ZNF521: variants seen among roughly 807,000 people sequenced by gnomAD.
ZNF521 encodes the protein zinc finger protein 521, also known as LYST-interacting protein 3.
A neutral mutation model predicts 105.5 loss-of-function variants in ZNF521; 14 were observed. The ratio of observed to expected loss-of-function variants is 0.13; its 90% CI spans 0.09 to 0.21. ZNF521 has a LOEUF of 0.21. Among genes scored for constraint, ZNF521 ranks in the 10% least tolerant of loss-of-function variants. The pLI is 1.00. For missense variants in ZNF521, 1,233 were observed against 1,629.7 expected, an observed-to-expected ratio of 0.76 and a Z score of 4.19; for synonymous variants, 635 against 606.0, an observed-to-expected ratio of 1.05 and a Z score of -0.70.
intron 4 of ZNF521, among the ~76,000 whole-genome samples, chr18:25,205,718 T>C (rs1456713499): frequency 1.3e-5 from 2 of 152,186 alleles, no homozygotes; most frequent in African/African-American, 4.8e-5. Context: ...TTAGGGAGAA[T>C]AAAGTATTTT....
chr18:25,335,383 C>T (rs1237033806), intron 2 of ZNF521, among the ~76,000 whole-genome samples: 1 of 152,142 alleles, frequency 6.6e-6, no homozygotes, highest in Non-Finnish European at 1.5e-5. Context: ...CTGCTCTAAA[C>T]TCTCATGATC....
intron 6 of ZNF521, 140 bp downstream of exon 6, chr18:25,091,810 C>T (rs2033753096): frequency 9.5e-7 from 1 of 1,049,434 alleles, no homozygotes; most frequent in Admixed American, 3.1e-5. Context: ...GCTAATAAAG[C>T]AGAAATCAAA....
chr18:25,138,461 G>T (rs1044917219), intron 5 of ZNF521, among the ~76,000 whole-genome samples: 5 of 139,502 alleles, frequency 3.6e-5, no homozygotes, highest in African/African-American at 1.3e-4. Context: ...TGAAACCAGG[G>T]AAATTAACCA....
chr18:25,152,929 G>A (rs1336417899), intron 5 of ZNF521, among the ~76,000 whole-genome samples: 1 of 152,124 alleles, frequency 6.6e-6, no homozygotes, highest in East Asian at 1.9e-4. Context: ...TGGCCACGAT[G>A]GGATGGAAGT....
rs892796197 is a variant in ZNF521 at position 25,224,242 on chromosome 18, C to G, written c.3573+103G>C. The G allele has an allele frequency of 2.5e-5, 27 of 1,097,036 alleles. No individual in the cohort carries two copies. In the South Asian group the frequency reaches 3.9e-4, roughly 16 times the overall value. The allele number at this position is 1,097,036 out of a possible 1,614,324, so 68.0% of individuals were successfully genotyped here. A position where few individuals can be genotyped will look rare whatever the true frequency, so the allele number is the denominator to read the frequency against. On this transcript the variant is annotated intron_variant, in intron 4 of 7. Coordinates refer to ENST00000361524, the MANE Select transcript of ZNF521 (RefSeq NM_015461.3). ...ACCCACTGCATTTCAATCTAAGCAT[C>G]TTTTGGCCCATGACAATAAATAAAG...
At chr18:25,102,549 G>A (rs997783450) in intron 5 of ZNF521, among the ~76,000 whole-genome samples, 2 of 151,852 alleles carry the variant, frequency 1.3e-5, no homozygotes, top group African/African-American at 4.8e-5. Flanking sequence ...TTAGAGTAAA[G>A]GGGTCTTTGC....
chr18:25,273,341 G>A (rs907925982), intron 3 of ZNF521: 2 of 150,378 alleles, frequency 1.3e-5, no homozygotes, highest in Non-Finnish European at 2.9e-5. Flanking sequence ...AAGCAGGCTA[G>A]CCCTACTGGA....
At chr18:25,235,036 A>T (rs1039015889) in intron 3 of ZNF521, among the ~76,000 whole-genome samples, 1 of 152,224 alleles carries the variant, frequency 6.6e-6, no homozygotes, top group Admixed American at 6.5e-5. Context: ...CTACTCACAG[A>T]TATCTTGAAA....
intron 5 of ZNF521, among the ~76,000 whole-genome samples, chr18:25,177,573 G>A (rs990708387): frequency 6.6e-6 from 1 of 151,448 alleles, no homozygotes; most frequent in Non-Finnish European, 1.5e-5. Context: ...CAGGAGTTGA[G>A]AAGGCTGCTA....
intron 3 of ZNF521, among the ~76,000 whole-genome samples, chr18:25,265,354 TCTTG>T: frequency 6.6e-6 from 1 of 152,336 alleles, no homozygotes; most frequent in Admixed American, 6.5e-5. Flanking sequence ...CAGGACTGGC[TCTTG>T]GTAGAATTAC....
At chr18:25,111,062 C>T (rs2034180141) in intron 5 of ZNF521, among the ~76,000 whole-genome samples, 1 of 151,970 alleles carries the variant, frequency 6.6e-6, no homozygotes, top group Non-Finnish European at 1.5e-5. Flanking sequence ...CACACCTGGC[C>T]TATTTTCCTT....
chr18:25,223,802 A>G (rs377216219), intron 4 of ZNF521, among the ~76,000 whole-genome samples: 1 of 152,054 alleles, frequency 6.6e-6, no homozygotes, highest in Non-Finnish European at 1.5e-5. Flanking sequence ...AATGTAGGGG[A>G]TTTTTAAAAA....
chr18:25,325,663 A>G (rs1913176616), intron 2 of ZNF521, among the ~76,000 whole-genome samples: 1 of 152,194 alleles, frequency 6.6e-6, no homozygotes, highest in Admixed American at 6.5e-5. Flanking sequence ...TGTTGCATTC[A>G]GCACAAATGA....
intron 5 of ZNF521, among the ~76,000 whole-genome samples, chr18:25,158,301 AATT>A (rs1018634937): frequency 6.6e-6 from 1 of 152,054 alleles, no homozygotes; most frequent in African/African-American, 2.4e-5. Flanking sequence ...TATTTGCATA[AATT>A]TTTTAAAAGG....
rs116099337 is a variant in ZNF521 at position 25,226,662 on chromosome 18, G to C, written c.1256C>G (p.Ala419Gly). 2.6e-4 allele frequency: 416 copies of C among 1,614,192 alleles called. No individual in the cohort carries two copies. The African/African-American group carries it at 4.9e-3, about 19-fold the overall frequency. The change falls in exon 4 of 8, where the codon GCA becomes GGA. Residue 419 changes from alanine (A) to glycine (G), a missense_variant. Coordinates refer to ENST00000361524, the MANE Select transcript of ZNF521 (RefSeq NM_015461.3). This position sits in a 1 kb window ranked among gnomAD's most constrained non-coding sequence, Gnocchi z 4.1. Reference protein sequence around the residue: ...YCNKQLFSSLAVLQIHLKTMH... With the variant: ...YCNKQLFSSLGVLQIHLKTMH... ...AGTTTTCAGGTGAATCTGCAGAACT[G>C]CAAGACTTGAAAATAATTGTTTGTT...
chr18:25,064,607 T>C (rs1480212605), intron 7 of ZNF521, among the ~76,000 whole-genome samples: 1 of 152,178 alleles, frequency 6.6e-6, no homozygotes, highest in Non-Finnish European at 1.5e-5. Context: ...ATTGGAGTAT[T>C]TTAAGCAGAG....
At chr18:25,173,767 G>A (rs1434874231) in intron 5 of ZNF521, among the ~76,000 whole-genome samples, 1 of 152,132 alleles carries the variant, frequency 6.6e-6, no homozygotes, top group East Asian at 1.9e-4. Context: ...GAAAAAAGGG[G>A]TCATGTTCCA....
intron 1 of ZNF521, chr18:25,351,678 T>G (rs192982748): frequency 6.5e-6 from 1 of 153,450 alleles, no homozygotes; most frequent in Admixed American, 6.5e-5. Flanking sequence ...CACCCTTTTT[T>G]TCTTAACCCA....
At chr18:25,191,494 A>G (rs535784808) in intron 5 of ZNF521, among the ~76,000 whole-genome samples, 1 of 152,288 alleles carries the variant, frequency 6.6e-6, no homozygotes, top group South Asian at 2.1e-4. Flanking sequence ...TTCATGAGAC[A>G]GTTGTTTGTG....
Sources: allele counts gnomAD v4.1 joint callset (sites outside exome capture counted in the v4.1 genomes callset), GRCh38; gene constraint gnomAD v4.1.1; non-coding constraint Gnocchi (gnomAD v3.1); transcripts MANE v1.5; gene names NCBI Gene and HGNC (gene_info 2026-07-23, HGNC 2026-07-21).